The following FBXO42 variants were observed in gnomAD, a reference collection of about 807,000 sequenced individuals.
FBXO42 encodes F-box protein 42, also known as F-box only protein 42.
Under a neutral mutation model 71.7 loss-of-function variants are expected in FBXO42, and 12 were observed. That is an observed-to-expected ratio of 0.17 (90% confidence interval 0.11 to 0.27). The LOEUF is 0.27. FBXO42 is among the 10% of genes least tolerant of loss of function. The pLI is 1.00. For missense variants in FBXO42, 707 were observed against 911.9 expected (o/e 0.78, Z 2.89); for synonymous variants, 325 against 327.5 (o/e 0.99, Z 0.08).
At chr1:16,281,040 G>A (rs762935698) in intron 4 of FBXO42, among the ~76,000 whole-genome samples, 93 of 152,208 alleles carry the variant, frequency 6.1e-4, no homozygotes, top group Middle Eastern at 6.8e-3. Flanking sequence ...TCAGCTCACC[G>A]CAACCTCTGC....
Position 16,302,908 on chromosome 1 carries a change from C to T in FBXO42, c.367+2895G>A, listed in dbSNP as rs867573464. Among the ~76,000 whole-genome samples, 9 of 152,290 alleles carry T rather than the reference C, an allele frequency of 5.9e-5. 1 individual carries two copies. In the Middle Eastern group the frequency reaches 0.01, roughly 173 times the overall value. ...GCCCCCATGATCCAGTCTCCTCCCA[C>T]CAGGTCACTCCCTTGACACATGGGG... is the stretch of plus-strand genomic sequence containing the variant. On this transcript the variant is annotated intron_variant, in intron 3 of 9. Coordinates refer to ENST00000375592, the MANE Select transcript of FBXO42 (RefSeq NM_018994.3).
intron 4 of FBXO42, among the ~76,000 whole-genome samples, chr1:16,282,078 A>G (rs2081969775): frequency 6.6e-6 from 1 of 152,124 alleles, no homozygotes; most frequent in Non-Finnish European, 1.5e-5. Flanking sequence ...TGAGGAATCC[A>G]GTTTAGCACA....
chr1:16,280,750 GGAGA>G (rs2081955035), intron 4 of FBXO42, among the ~76,000 whole-genome samples: 1 of 152,086 alleles, frequency 6.6e-6, no homozygotes, highest in Non-Finnish European at 1.5e-5. Context: ...CTCCAGCTTG[GGAGA>G]GAGAGTGAAA....
At chr1:16,273,439 A>G (rs758229928) in intron 4 of FBXO42, among the ~76,000 whole-genome samples, 13 of 152,156 alleles carry the variant, frequency 8.5e-5, no homozygotes, top group Non-Finnish European at 1.8e-4. Flanking sequence ...GCTCTCTGGG[A>G]TGCTTGCTAT....
At position 16,352,411 on chromosome 1, in the gene FBXO42, C is replaced by G. The variant is rs2082711637; in HGVS notation, c.-174G>C. On this transcript the variant is annotated 5_prime_UTR_variant, in exon 1 of 10. Transcript: ENST00000375592. Reference sequence around the variant, plus strand: ...CGGGACCCCGAGCCGCCCGGAGCCGCCATCTTCCTCCACTCAAACGCCGCC... The same window carrying G: ...CGGGACCCCGAGCCGCCCGGAGCCGGCATCTTCCTCCACTCAAACGCCGCC... The G allele has an allele frequency of 2.5e-6, 1 of 399,042 alleles. No homozygotes were observed. The highest frequency in any genetic ancestry group is 4.4e-5 in the Admixed American group (1 of 22,586). The allele number at this position is 399,042 out of a possible 1,614,324, so 24.7% of individuals were successfully genotyped here.
chr1:16,283,527 T>C (rs2100507020), intron 4 of FBXO42, among the ~76,000 whole-genome samples: 1 of 133,478 alleles, frequency 7.5e-6, no homozygotes, highest in South Asian at 2.3e-4. Context: ...TGAGACAGTC[T>C]CGCTCTGTCG....
chr1:16,331,052 G>A (rs547864740), intron 1 of FBXO42, among the ~76,000 whole-genome samples: 7 of 151,890 alleles, frequency 4.6e-5, no homozygotes, highest in Non-Finnish European at 8.8e-5. Context: ...ACCAGGAGGC[G>A]GAGGTTGCAG....
At position 16,251,411 on chromosome 1, in the gene FBXO42, A is replaced by G; in HGVS notation, c.1413T>C (p.Pro471=). The G allele has an allele frequency of 6.2e-7, 1 of 1,614,084 alleles. No homozygotes were observed. Among genetic ancestry groups the G allele is most frequent in the Non-Finnish European group, 8.5e-7 (1 of 1,179,958 alleles). The change falls in exon 10 of 10, where the codon CCT becomes CCC. Residue 471 remains proline (P), a synonymous_variant. Coordinates refer to ENST00000375592, the MANE Select transcript of FBXO42 (RefSeq NM_018994.3). The surrounding 1 kb of genome is among the most constrained non-coding windows in gnomAD (Gnocchi z 4.5). ...GTCCTATTTTCAGGTCGTATCCTTC[A>G]GGAGCAGATGGAGTACTTGGAGATA... ...QAISPSTPSA[P]EGYDLKIGLS... is the part of the protein sequence containing the mutation.
intron 4 of FBXO42, among the ~76,000 whole-genome samples, chr1:16,275,166 C>G (rs1248667618): frequency 6.6e-6 from 1 of 152,084 alleles, no homozygotes; most frequent in Non-Finnish European, 1.5e-5. Flanking sequence ...AGTGGGATTT[C>G]AGAAAGCTTA....
At chr1:16,296,014 T>A (rs1442373001) in intron 3 of FBXO42, among the ~76,000 whole-genome samples, 1 of 152,174 alleles carries the variant, frequency 6.6e-6, no homozygotes, top group Non-Finnish European at 1.5e-5. Context: ...TGTATACACA[T>A]CACCAGGCAT....
At chr1:16,337,032 C>T (rs1417373187) in intron 1 of FBXO42, among the ~76,000 whole-genome samples, 1 of 152,098 alleles carries the variant, frequency 6.6e-6, no homozygotes, top group African/African-American at 2.4e-5. Flanking sequence ...TCTTTCCAAA[C>T]ACAAGTGCAC....
chr1:16,272,812 C>T (rs576662597), intron 4 of FBXO42, among the ~76,000 whole-genome samples: 7 of 152,114 alleles, frequency 4.6e-5, no homozygotes, highest in African/African-American at 1.4e-4. Flanking sequence ...AGCCTTTACA[C>T]GAACAATGGC....
intron 4 of FBXO42, among the ~76,000 whole-genome samples, chr1:16,274,917 T>C (rs568803390): frequency 4.6e-5 from 7 of 152,246 alleles, no homozygotes; most frequent in Non-Finnish European, 7.4e-5. Context: ...TAGAATAATA[T>C]TGTTTTTAAA....
In FBXO42 at chr1:16,253,732, C is replaced by T; in HGVS notation, c.768-1G>A. On this transcript the variant is annotated splice_acceptor_variant, in intron 6 of 9. Transcript: ENST00000375592. LOFTEE classifies it high-confidence loss of function. ...GTCAAGGACCCAGACATCATTGCTC[C>T]TGTGAATTAAGGACAGAAGGATAAA... is the stretch of plus-strand genomic sequence containing the variant. 1 of 1,614,040 alleles carries T rather than the reference C, an allele frequency of 6.2e-7. No individual in the cohort carries two copies. The highest frequency in any genetic ancestry group is 8.5e-7 in the Non-Finnish European group (1 of 1,179,928).
intron 5 of FBXO42, 84 bp downstream of exon 5, chr1:16,256,522 G>C (rs1569811332): frequency 7.1e-7 from 1 of 1,402,896 alleles, no homozygotes; most frequent in East Asian, 2.3e-5. Flanking sequence ...AATTCTCAAA[G>C]GGACTCTTGA....
intron 2 of FBXO42, among the ~76,000 whole-genome samples, chr1:16,313,267 TAAAAAAAAAAGAAAG>T (rs1231228055): frequency 3.8e-5 from 1 of 26,492 alleles, no homozygotes; most frequent in Non-Finnish European, 1.0e-4. Flanking sequence ...TAAATAAAAA[TAAAAAAAAAAGAAAG>T]AAAAGAAGAA....
At chr1:16,286,398 G>T (rs2082022529) in intron 4 of FBXO42, among the ~76,000 whole-genome samples, 1 of 152,250 alleles carries the variant, frequency 6.6e-6, no homozygotes, top group East Asian at 1.9e-4. Context: ...CTTCTTCCCA[G>T]GGCAGCAGGA....
At chr1:16,303,370 G>A (rs1000701371) in intron 3 of FBXO42, among the ~76,000 whole-genome samples, 11 of 152,112 alleles carry the variant, frequency 7.2e-5, no homozygotes, top group African/African-American at 2.7e-4. Context: ...ATGCACTGCA[G>A]GATGCTGCAC....
rs138051911 is a variant in FBXO42 at position 16,311,487 on chromosome 1, C to CA, written c.250+3681dup. On this transcript the variant is annotated intron_variant, in intron 2 of 9. Transcript: ENST00000375592. ...TGGGTGACAGAGCAAGATCTTGTCT[C>CA]AAAAAAAAAAAAAAAAATATATATA... is the stretch of plus-strand genomic sequence containing the variant. 9.2e-3 allele frequency among the ~76,000 whole-genome samples: 1,024 copies of CA among 110,738 alleles called. 3 individuals are homozygous for CA. The highest frequency in any genetic ancestry group is 0.013 in the Non-Finnish European group (726 of 56,310). 72.6% of individuals were successfully genotyped at this position (110,738 alleles called of 152,430 possible).
Sources: gnomAD v4.1 joint callset for allele counts (sites outside exome capture counted in the v4.1 genomes callset) on GRCh38, gnomAD v4.1.1 for gene constraint, Gnocchi (gnomAD v3.1) non-coding constraint, MANE v1.5 for transcripts, NCBI Gene and HGNC (gene_info 2026-07-23, HGNC 2026-07-21) for gene names.